DAB2IP: variants seen among roughly 807,000 people sequenced by gnomAD.
The protein encoded by DAB2IP is DAB2 interacting protein.
A neutral mutation model predicts 107.2 loss-of-function variants in DAB2IP; 28 were observed. The ratio of observed to expected loss-of-function variants is 0.26; its 90% CI spans 0.19 to 0.36. The LOEUF (loss-of-function observed/expected upper bound fraction) is 0.36. DAB2IP is among the 10% of genes least tolerant of loss of function. The pLI, the probability that DAB2IP is intolerant of heterozygous loss-of-function variation, is 1.00. For missense variants in DAB2IP, 1,400 were observed against 1,644.7 expected (o/e 0.85, Z 2.57); for synonymous variants, 755 against 706.4 (o/e 1.07, Z -1.09).
rs760709235 is a variant in DAB2IP, at chr9:121,760,079, G to C, written c.810G>C (p.Thr270=). Residue 270 remains threonine, a synonymous_variant, in exon 6 of 16, where the codon ACG becomes ACC. Transcript: ENST00000408936. The surrounding 1 kb of genome is among the most constrained non-coding windows in gnomAD (Gnocchi z 5.9). ...TCCACAACTTGCCGCCTCTGCGCAC[G>C]GTCACTGTCCACCTGTACCGGGAGA... is the stretch of plus-strand genomic sequence containing the variant. The C allele has an allele frequency of 1.9e-6, 3 of 1,614,030 alleles. No individual in the cohort carries two copies. The highest frequency in any genetic ancestry group is 2.2e-5 in the South Asian group (2 of 91,080).
chr9:121,759,447 G>A (rs1445625924), intron 5 of DAB2IP, among the ~76,000 whole-genome samples: 1 of 152,178 alleles, frequency 6.6e-6, no homozygotes, highest in African/African-American at 2.4e-5. Context: ...CCCTGCTTCT[G>A]TATCTGTCTC....
intron 1 of DAB2IP, among the ~76,000 whole-genome samples, chr9:121,611,133 G>T (rs377640800): frequency 1.2e-4 from 18 of 152,042 alleles, no homozygotes; most frequent in Non-Finnish European, 2.4e-4. Context: ...CTGCCACCAC[G>T]CCCGGCTAAT....
intron 1 of DAB2IP, among the ~76,000 whole-genome samples, chr9:121,571,530 A>G (rs1343256422): frequency 1.3e-5 from 2 of 148,484 alleles, no homozygotes; most frequent in African/African-American, 2.6e-5. Context: ...GCTCAGGAAC[A>G]TTGATGGGGA....
intron 1 of DAB2IP, among the ~76,000 whole-genome samples, chr9:121,664,338 A>C (rs971037173): frequency 2.6e-5 from 4 of 152,108 alleles, no homozygotes; most frequent in Non-Finnish European, 5.9e-5. Context: ...AAGTCCCCCA[A>C]CCTGTTTCTT....
chr9:121,592,365 CA>C (rs999409255), intron 1 of DAB2IP, among the ~76,000 whole-genome samples: 4,183 of 134,560 alleles, frequency 0.031, 73 homozygotes, highest in Non-Finnish European at 0.039. Context: ...GACTCCATCT[CA>C]AAAAAAAAAA....
chr9:121,780,830 T>C (rs1835566108), intron 14 of DAB2IP, among the ~76,000 whole-genome samples: 1 of 152,118 alleles, frequency 6.6e-6, no homozygotes, highest in Admixed American at 6.5e-5. Flanking sequence ...CAGCTACTGC[T>C]CATTGTTCTG....
At chr9:121,748,806 A>C (rs1005535059) in intron 3 of DAB2IP, among the ~76,000 whole-genome samples, 6 of 152,316 alleles carry the variant, frequency 3.9e-5, no homozygotes, top group Admixed American at 3.9e-4. Flanking sequence ...TTTTGGTTGC[A>C]GGGTGTGGAC....
At chr9:121,627,277 G>A (rs189069332) in intron 1 of DAB2IP, among the ~76,000 whole-genome samples, 2 of 152,000 alleles carry the variant, frequency 1.3e-5, no homozygotes, top group Admixed American at 6.6e-5. Context: ...TTTCCACCTC[G>A]CGCTGCAGAA....
In DAB2IP at chr9:121,608,958, T is replaced by C. The variant is rs543243040; in HGVS notation, c.40+41730T>C. On this transcript the variant is annotated intron_variant, in intron 1 of 16. Transcript: ENST00000259371. ...TGTTTGTTTGTTTGTTTGTTTGTTT[T>C]TGAGACAGCGTCTCGCTCTGTCGCC... is the stretch of plus-strand genomic sequence containing the variant. Among the ~76,000 whole-genome samples, 32 of 151,280 alleles carry C rather than the reference T, an allele frequency of 2.1e-4. No individual in the cohort carries two copies. The South Asian group carries it at 6.6e-3, about 31-fold the overall frequency.
chr9:121,768,290 A>G lies in DAB2IP; in HGVS notation c.1698-142A>G, dbSNP rs1187453847. 9.3e-6 allele frequency: 8 copies of G among 861,618 alleles called. No individual in the cohort carries two copies. In the East Asian group the frequency reaches 1.7e-4, roughly 19 times the overall value. 53.4% of individuals were successfully genotyped at this position (861,618 alleles called of 1,614,324 possible). A position where few individuals can be genotyped will look rare whatever the true frequency, so the allele number is the denominator to read the frequency against. On this transcript the variant is annotated intron_variant, in intron 9 of 15. Transcript: ENST00000408936. ...GGAGGGCCCTGGTGACCTGGGTCAG[A>G]GCATATTCAGCTGACTTGGGGAGTG...
At chr9:121,618,202 A>T (rs2118989588) in intron 1 of DAB2IP, among the ~76,000 whole-genome samples, 1 of 152,186 alleles carries the variant, frequency 6.6e-6, no homozygotes, top group East Asian at 1.9e-4. Flanking sequence ...ATTTCCCCCC[A>T]GTTCTGGGTT....
intron 3 of DAB2IP, among the ~76,000 whole-genome samples, chr9:121,747,356 T>C (rs1282716026): frequency 6.7e-6 from 1 of 150,364 alleles, no homozygotes; most frequent in African/African-American, 2.5e-5. Flanking sequence ...TTTTTTTTTT[T>C]TTTTCCCCTG....
intron 4 of DAB2IP, 105 bp from the exon 5 acceptor site, chr9:121,758,793 G>C: frequency 1.0e-6 from 1 of 961,544 alleles, no homozygotes; most frequent in Admixed American, 2.0e-5. Context: ...CTGTGATGCA[G>C]ACCTGATGGC....
At chr9:121,640,261 G>T (rs1156559811) in intron 1 of DAB2IP, among the ~76,000 whole-genome samples, 1 of 152,162 alleles carries the variant, frequency 6.6e-6, no homozygotes, top group African/African-American at 2.4e-5. Context: ...TGTGGGCCTG[G>T]GCTGGGTAGT....
At chr9:121,605,269 C>T (rs1311892804) in intron 1 of DAB2IP, among the ~76,000 whole-genome samples, 4 of 152,242 alleles carry the variant, frequency 2.6e-5, no homozygotes, top group Admixed American at 2.6e-4. Context: ...GATCCACCCG[C>T]CTCAGGCTCC....
intron 3 of DAB2IP, among the ~76,000 whole-genome samples, chr9:121,746,058 G>C (rs1407159013): frequency 1.3e-5 from 2 of 152,176 alleles, no homozygotes; most frequent in Admixed American, 6.5e-5. Flanking sequence ...AGTTGGCAGA[G>C]GGGCTTTTTG....
chr9:121,599,354 G>A lies in DAB2IP; in HGVS notation c.40+32126G>A, dbSNP rs1830611683. On this transcript the variant is annotated intron_variant, in intron 1 of 16. Transcript: ENST00000259371. This position sits in a 1 kb window ranked among gnomAD's most constrained non-coding sequence, Gnocchi z 6.9. The stretch of plus-strand genomic sequence containing the variant: ...GCGTGTGCTCGGAGCGGAGGGCCTC[G>A]GCTCTGCCCAGTCCGGCCTGGGCGG... Among the ~76,000 whole-genome samples, 1 of 152,178 alleles carries A rather than the reference G, an allele frequency of 6.6e-6. No homozygotes were observed. The highest frequency in any genetic ancestry group is 1.5e-5 in the Non-Finnish European group (1 of 68,010).
At chr9:121,781,295 C>A (rs571680667) in intron 14 of DAB2IP, among the ~76,000 whole-genome samples, 169 bp from the exon 15 acceptor site, 1 of 152,078 alleles carries the variant, frequency 6.6e-6, no homozygotes, top group Non-Finnish European at 1.5e-5. Context: ...TGCTGGGAGT[C>A]GGCTGGAGGG....
At position 121,776,341 on chromosome 9, in the gene DAB2IP, G is replaced by A. The variant is rs1835197412; in HGVS notation, c.3264G>A (p.Leu1088=). The A allele has an allele frequency of 6.4e-7, 1 of 1,554,644 alleles. No individual in the cohort carries two copies. The highest frequency in any genetic ancestry group is 8.7e-7 in the Non-Finnish European group (1 of 1,148,962). Residue 1088 remains leucine (L), a synonymous_variant, in exon 14 of 16, where the codon CTG becomes CTA. Coordinates refer to ENST00000408936, the Ensembl canonical transcript of DAB2IP. The surrounding 1 kb of genome is among the most constrained non-coding windows in gnomAD (Gnocchi z 5.4). The stretch of plus-strand genomic sequence containing the variant: ...GGCTGGAGGAGGGCGAGGAGCGGCT[G>A]CGGCGGCAGCAGGAGGACAAGGACA...
Sources: gnomAD v4.1 joint callset for allele counts (sites outside exome capture counted in the v4.1 genomes callset) on GRCh38, gnomAD v4.1.1 for gene constraint, Gnocchi (gnomAD v3.1) non-coding constraint, MANE v1.5 for transcripts, NCBI Gene and HGNC (gene_info 2026-07-23, HGNC 2026-07-21) for gene names.